CERS6: variants seen among roughly 807,000 people sequenced by gnomAD.
CERS6 encodes LAG1 homolog, ceramide synthase 6.
CERS6 carries 26 observed loss-of-function variants against 56.8 expected under a neutral mutation model. That is an observed-to-expected ratio of 0.46 (90% CI 0.34 to 0.63). The LOEUF (loss-of-function observed/expected upper bound fraction) is 0.63. Ranked by LOEUF, CERS6 falls within the 30% of genes least tolerant of loss-of-function variation. The probability of loss-of-function intolerance (pLI) is 0.01; values close to 1 mark genes in which losing one functional copy is unlikely to be tolerated. For missense variants in CERS6, 415 were observed against 467.5 expected (o/e 0.89, Z 1.04); for synonymous variants, 164 against 173.3 (o/e 0.95, Z 0.42).
intron 3 of CERS6, among the ~76,000 whole-genome samples, chr2:168,598,458 A>G (rs1300868281): frequency 1.3e-5 from 2 of 151,614 alleles, no homozygotes; most frequent in East Asian, 3.8e-4. Flanking sequence ...GCATTCCTAT[A>G]TATTTTTGAT....
chr2:168,562,263 C>CT (rs1386278110), intron 3 of CERS6, among the ~76,000 whole-genome samples: 2 of 152,110 alleles, frequency 1.3e-5, no homozygotes, highest in African/African-American at 4.8e-5. Context: ...AAGGGGTGAC[C>CT]TTCCCCTCCA....
intron 4 of CERS6, among the ~76,000 whole-genome samples, chr2:168,636,586 G>A (rs1684864198): frequency 6.6e-6 from 1 of 152,092 alleles, no homozygotes; most frequent in Admixed American, 6.5e-5. Flanking sequence ...ATACTGTTCT[G>A]TTGCTGCCTC....
chr2:168,748,397 A>G (rs1300481944), intron 8 of CERS6, among the ~76,000 whole-genome samples: 1 of 152,218 alleles, frequency 6.6e-6, no homozygotes, highest in Non-Finnish European at 1.5e-5. Context: ...TTTAAAATTT[A>G]TTTTTAGATG....
At chr2:168,661,889 A>G (rs771298111) in intron 4 of CERS6, among the ~76,000 whole-genome samples, 1 of 152,240 alleles carries the variant, frequency 6.6e-6, no homozygotes, top group Non-Finnish European at 1.5e-5. Context: ...TTTTGATAGA[A>G]ACGATTCTTT....
rs111521515 is a variant in CERS6 at position 168,657,680 on chromosome 2, G to A, written c.465+26638G>A. On this transcript the variant is annotated intron_variant, in intron 4 of 9. Transcript: ENST00000305747. Reference sequence around the variant, plus strand: ...GTACACCCTCCGCAGCCACTGGCCCGGGTGCTAAGTCCCCCATTGCCCGGG... The same window carrying A: ...GTACACCCTCCGCAGCCACTGGCCCAGGTGCTAAGTCCCCCATTGCCCGGG... Among the ~76,000 whole-genome samples the A allele has an allele frequency of 4.3e-4, 65 of 152,344 alleles. 1 individual carries two copies. The highest frequency in any genetic ancestry group is 3.4e-3 in the Middle Eastern group (1 of 294).
chr2:168,649,136 G>A (rs1202255299), intron 4 of CERS6, among the ~76,000 whole-genome samples: 2 of 152,146 alleles, frequency 1.3e-5, no homozygotes, highest in Non-Finnish European at 2.9e-5. Flanking sequence ...AGCTGCAGCA[G>A]CCTTGGGCTT....
chr2:168,568,246 A>AT (rs766529332), intron 3 of CERS6, among the ~76,000 whole-genome samples: 1 of 151,824 alleles, frequency 6.6e-6, no homozygotes, highest in Non-Finnish European at 1.5e-5. Flanking sequence ...TTTAAATAAT[A>AT]TTTTTTTCCA....
chr2:168,643,888 A>G (rs1303423089), intron 4 of CERS6, among the ~76,000 whole-genome samples: 1 of 152,194 alleles, frequency 6.6e-6, no homozygotes, highest in East Asian at 1.9e-4. Context: ...ATAAGGTAAC[A>G]TTCACAAGTT....
In CERS6 at chr2:168,520,598, C is replaced by CTTTTTTTTTTTTTTTTTT. The variant is rs150724635; in HGVS notation, c.171-26986_171-26969dup. Among the ~76,000 whole-genome samples, 314 of 57,898 alleles carry CTTTTTTTTTTTTTTTTTT rather than the reference C, an allele frequency of 5.4e-3. 48 individuals carry two copies. The highest frequency in any genetic ancestry group is 6.9e-3 in the Non-Finnish European group (215 of 31,012). The allele number at this position is 57,898 out of a possible 152,430, so 38.0% of individuals were successfully genotyped here. On this transcript the variant is annotated intron_variant, in intron 1 of 9. Transcript: ENST00000305747. ...TTAACTCTTTAACATTTACAATATC[C>CTTTTTTTTTTTTTTTTTT]TTTTTTTTTTTTTTTTTTTTTTTTT...
chr2:168,471,661 G>T (rs541579680), intron 1 of CERS6, among the ~76,000 whole-genome samples: 64 of 152,244 alleles, frequency 4.2e-4, no homozygotes, highest in African/African-American at 1.5e-3. Flanking sequence ...CGCTCTCTCC[G>T]TCAATCGCCA....
intron 4 of CERS6, among the ~76,000 whole-genome samples, chr2:168,678,677 G>T (rs1020057912): frequency 8.5e-5 from 13 of 152,106 alleles, no homozygotes; most frequent in African/African-American, 3.1e-4. Flanking sequence ...AGAAGCCCTC[G>T]TAAAAATCCC....
chr2:168,557,211 G>C (rs917184962), intron 2 of CERS6, among the ~76,000 whole-genome samples: 1 of 151,938 alleles, frequency 6.6e-6, no homozygotes, highest in Non-Finnish European at 1.5e-5. Flanking sequence ...CTTATTCTCA[G>C]TAGAAACCTA....
At chr2:168,549,149 A>G (rs2105373330) in intron 2 of CERS6, among the ~76,000 whole-genome samples, 1 of 152,204 alleles carries the variant, frequency 6.6e-6, no homozygotes, top group South Asian at 2.1e-4. Flanking sequence ...AACATACAGT[A>G]TTCTAAATGA....
intron 4 of CERS6, among the ~76,000 whole-genome samples, chr2:168,663,249 G>A (rs906785637): frequency 6.6e-6 from 1 of 152,018 alleles, no homozygotes; most frequent in Non-Finnish European, 1.5e-5. Context: ...TTTTAAAAAT[G>A]CATTATTAGT....
At chr2:168,518,859 G>T (rs987962477) in intron 1 of CERS6, among the ~76,000 whole-genome samples, 1 of 151,952 alleles carries the variant, frequency 6.6e-6, no homozygotes, top group Non-Finnish European at 1.5e-5. Flanking sequence ...CTGACCGTTG[G>T]TATTCTCTTC....
intron 1 of CERS6, among the ~76,000 whole-genome samples, chr2:168,482,335 A>G (rs981875497): frequency 1.3e-5 from 2 of 152,252 alleles, no homozygotes; most frequent in Admixed American, 6.5e-5. Flanking sequence ...CAAAGCCACT[A>G]AAAGACAAGT....
intron 1 of CERS6, among the ~76,000 whole-genome samples, chr2:168,463,880 A>G (rs1176601984): frequency 6.6e-6 from 1 of 152,150 alleles, no homozygotes; most frequent in East Asian, 1.9e-4. Flanking sequence ...CTGCACTCCA[A>G]TCTGGGCGCC....
intron 4 of CERS6, among the ~76,000 whole-genome samples, chr2:168,660,063 C>T (rs1408561766): frequency 6.6e-6 from 1 of 152,130 alleles, no homozygotes; most frequent in Non-Finnish European, 1.5e-5. Context: ...GACATGGATC[C>T]TTAAGTGACT....
chr2:168,575,190 G>A (rs1403219686), intron 3 of CERS6, among the ~76,000 whole-genome samples: 2 of 152,130 alleles, frequency 1.3e-5, no homozygotes, highest in African/African-American at 4.8e-5. Flanking sequence ...AATTTAAAAT[G>A]GGGCCATTAG....
Sources: gnomAD v4.1 joint callset for allele counts (sites outside exome capture counted in the v4.1 genomes callset) on GRCh38, gnomAD v4.1.1 for gene constraint, MANE v1.5 for transcripts, NCBI Gene and HGNC (gene_info 2026-07-23, HGNC 2026-07-21) for gene names.